The following RAB3IP variants were observed in gnomAD, a reference collection of about 807,000 sequenced individuals.
RAB3IP encodes RAB3A interacting protein, also known as rab-3A-interacting protein.
Under a neutral mutation model 59.1 loss-of-function variants are expected in RAB3IP, and 36 were observed. That is an observed-to-expected ratio of 0.61 (90% CI 0.47 to 0.80). The LOEUF is 0.80. RAB3IP is among the 30% of genes least tolerant of loss of function. The pLI is 0.00. For missense variants in RAB3IP, 511 were observed against 536.0 expected (o/e 0.95, Z 0.46); for synonymous variants, 207 against 191.2 (o/e 1.08, Z -0.68).
chr12:69,795,309 A>G lies in RAB3IP; in HGVS notation c.853A>G (p.Ser285Gly), dbSNP rs764787361. 19 of 1,613,974 alleles carry G rather than the reference A, an allele frequency of 1.2e-5. No individual in the cohort carries two copies. The highest frequency in any genetic ancestry group is 1.5e-5 in the Non-Finnish European group (18 of 1,179,854). The change falls in exon 6 of 11, where the codon AGT (serine) becomes GGT (glycine). Residue 285 changes from serine (S) to glycine (G), a missense_variant. Physicochemically the swap from Ser to Gly is moderately conservative, Grantham distance 56. Transcript: ENST00000247833. The stretch of plus-strand genomic sequence containing the variant: ...TATGAGTGGCAGTCATCAGGACCTC[A>G]GTGTGATACAGCCAATTGTAAAAGA... Reference protein sequence around the residue: ...SAMSGSHQDLSVIQPIVKDCK... With the variant: ...SAMSGSHQDLGVIQPIVKDCK...
At position 69,784,832 on chromosome 12, in the gene RAB3IP, C is replaced by T. The variant is rs1435796348; in HGVS notation, c.606+17C>T. 6 of 1,432,146 alleles carry T rather than the reference C, an allele frequency of 4.2e-6. No homozygotes were observed. The Admixed American group carries it at 1.1e-4, about 25-fold the overall frequency. 88.7% of individuals were successfully genotyped at this position (1,432,146 alleles called of 1,614,324 possible). A position where few individuals can be genotyped will look rare whatever the true frequency, so the allele number is the denominator to read the frequency against. ...CTATTTGAGGTTGGTCTATTTACATCTTGGCCAACAGCAACATCTTGACTT... is the reference window on the plus strand; with the variant it reads ...CTATTTGAGGTTGGTCTATTTACATTTTGGCCAACAGCAACATCTTGACTT... On this transcript the variant is annotated intron_variant, in intron 4 of 10. Coordinates refer to ENST00000247833, the MANE Select transcript of RAB3IP (RefSeq NM_022456.5).
chr12:69,801,644 T>C lies in RAB3IP; in HGVS notation c.1053T>C (p.Asn351=). Residue 351 remains asparagine (N), a synonymous_variant, in exon 8 of 11, where the codon AAT becomes AAC. Transcript: ENST00000247833. The part of the protein sequence containing the change: ...ASAVLEAVEN[N]TLSIEPVGLQ... ...CTGTTCTGGAGGCTGTGGAAAACAA[T>C]ACTCTAAGCATTGAACCAGTGGGAT... The C allele has an allele frequency of 6.2e-7, 1 of 1,612,806 alleles. No homozygotes were observed. Among genetic ancestry groups the C allele is most frequent in the Non-Finnish European group, 8.5e-7 (1 of 1,179,132 alleles).
rs1881653689 is a variant in RAB3IP, at chr12:69,820,865, A to AAT, written c.*5420_*5421insTA. The AAT allele has an allele frequency of 6.6e-6, 1 of 151,702 alleles. No homozygotes were observed. Among genetic ancestry groups the AAT allele is most frequent in the African/African-American group, 2.4e-5 (1 of 41,300 alleles). The allele number at this position is 151,702 out of a possible 1,614,324, so 9.4% of individuals were successfully genotyped here. A position where few individuals can be genotyped will look rare whatever the true frequency, so the allele number is the denominator to read the frequency against. On this transcript the variant is annotated 3_prime_UTR_variant, in exon 11 of 11. Transcript: ENST00000247833. ...AAGAGTGAAACTCCGTCTGAAAAAA[A>AAT]AAAAAAAAAACCCAAACTCAATAGA...
intron 4 of RAB3IP, among the ~76,000 whole-genome samples, chr12:69,791,164 A>C (rs1052128230): frequency 1.3e-5 from 2 of 152,168 alleles, no homozygotes; most frequent in African/African-American, 4.8e-5. Flanking sequence ...TTAGACCCTG[A>C]TCTCACACCA....
intron 6 of RAB3IP, 150 bp downstream of exon 6, chr12:69,795,494 T>G (rs1877303050): frequency 1.6e-6 from 1 of 644,560 alleles, no homozygotes; most frequent in African/African-American, 1.8e-5. Context: ...GCTGGCTGCT[T>G]TCAGGGATTC....
intron 3 of RAB3IP, among the ~76,000 whole-genome samples, chr12:69,767,415 A>T (rs1462747632): frequency 6.6e-6 from 1 of 152,234 alleles, no homozygotes; most frequent in Admixed American, 6.5e-5. Context: ...CTCCCTGCTC[A>T]GCTCCAGGGG....
chr12:69,819,359 C>G lies in RAB3IP; in HGVS notation c.*3913C>G, dbSNP rs551150750. The G allele has an allele frequency of 1.8e-4, 27 of 152,170 alleles. No individual in the cohort carries two copies. Among genetic ancestry groups the G allele is most frequent in the African/African-American group, 6.5e-4 (27 of 41,538 alleles). 9.4% of individuals were successfully genotyped at this position (152,170 alleles called of 1,614,324 possible). On this transcript the variant is annotated 3_prime_UTR_variant, in exon 11 of 11. Transcript: ENST00000247833. ...GGGGAAAGTTTGGGTATGTGCATAACAGAGACAGAAATTCAGTGTTTGACA... is the reference window on the plus strand; with the variant it reads ...GGGGAAAGTTTGGGTATGTGCATAAGAGAGACAGAAATTCAGTGTTTGACA...
At chr12:69,763,765 C>T (rs553397835) in intron 3 of RAB3IP, among the ~76,000 whole-genome samples, 29 of 152,256 alleles carry the variant, frequency 1.9e-4, no homozygotes, top group African/African-American at 7.0e-4. Context: ...TTGTCCCCCT[C>T]CCCTGTCTAG....
intron 8 of RAB3IP, among the ~76,000 whole-genome samples, chr12:69,809,229 T>A (rs1302259775): frequency 6.6e-6 from 1 of 152,066 alleles, no homozygotes; most frequent in Middle Eastern, 3.4e-3. Flanking sequence ...ATATTGGCCC[T>A]CACTCTCTTC....
chr12:69,766,122 T>TCA (rs1872158657), intron 3 of RAB3IP, among the ~76,000 whole-genome samples: 1 of 152,252 alleles, frequency 6.6e-6, no homozygotes, highest in South Asian at 2.1e-4. Context: ...GACAGTCTGG[T>TCA]GACTATGTCC....
chr12:69,772,405 C>G (rs1873280464), intron 3 of RAB3IP, among the ~76,000 whole-genome samples: 1 of 152,058 alleles, frequency 6.6e-6, no homozygotes, highest in Non-Finnish European at 1.5e-5. Context: ...TGTTTACATT[C>G]AACATAATTA....
chr12:69,803,163 CAAATT>C (rs1424726584), intron 8 of RAB3IP, among the ~76,000 whole-genome samples: 6 of 151,966 alleles, frequency 3.9e-5, no homozygotes, highest in Admixed American at 1.3e-4. Flanking sequence ...ATGGGGATAT[CAAATT>C]AAAGTGGATT....
At chr12:69,793,981 T>C (rs1877048141) in intron 4 of RAB3IP, among the ~76,000 whole-genome samples, 1 of 152,240 alleles carries the variant, frequency 6.6e-6, no homozygotes, top group Non-Finnish European at 1.5e-5. Context: ...ATGTTTTTAT[T>C]GAAAGCTCTA....
intron 1 of RAB3IP, among the ~76,000 whole-genome samples, chr12:69,748,070 AGT>A (rs1491234275): frequency 1.2e-5 from 1 of 82,972 alleles, no homozygotes; most frequent in Non-Finnish European, 3.3e-5. Flanking sequence ...TCACAGCTTT[AGT>A]TTTTTTTTTT....
At chr12:69,763,763 C>T (rs181488144) in intron 3 of RAB3IP, among the ~76,000 whole-genome samples, 3 of 152,236 alleles carry the variant, frequency 2.0e-5, no homozygotes, top group East Asian at 1.9e-4. Context: ...CCTTGTCCCC[C>T]TCCCCTGTCT....
At chr12:69,791,972 T>C (rs1280350504) in intron 4 of RAB3IP, among the ~76,000 whole-genome samples, 3 of 152,220 alleles carry the variant, frequency 2.0e-5, no homozygotes, top group African/African-American at 7.2e-5. Flanking sequence ...ATATGAATAC[T>C]ACTCAGTCTT....
In RAB3IP at chr12:69,801,654, A is replaced by G. The variant is rs915669886; in HGVS notation, c.1063A>G (p.Ile355Val). ...LEAVENNTLS[I>V]EPVGLQPIRF... is the part of the protein sequence containing the mutation. Reference sequence around the variant, plus strand: ...GGCTGTGGAAAACAATACTCTAAGCATTGAACCAGTGGGATTACAACCTAT... The same window carrying G: ...GGCTGTGGAAAACAATACTCTAAGCGTTGAACCAGTGGGATTACAACCTAT... The change falls in exon 8 of 11, where the codon ATT (isoleucine) becomes GTT (valine). Residue 355 changes from isoleucine to valine, a missense_variant. By Grantham distance (29) the Ile-to-Val change is conservative. Transcript: ENST00000247833. The G allele has an allele frequency of 3.7e-6, 6 of 1,613,168 alleles. No individual in the cohort carries two copies. The South Asian group carries it at 5.5e-5, about 15-fold the overall frequency.
chr12:69,784,809 A>G lies in RAB3IP; in HGVS notation c.600A>G (p.Leu200=), dbSNP rs374977376. The G allele has an allele frequency of 1.9e-5, 30 of 1,597,724 alleles. No individual in the cohort carries two copies. Among genetic ancestry groups the G allele is most frequent in the African/African-American group, 1.7e-4 (13 of 74,438 alleles). ...AATTGGAAGAACTCACAGCTAGTCT[A>G]TTTGAGGTTGGTCTATTTACATCTT... ...GQELEELTAS[L]FEEAHKMVRE... Residue 200 remains leucine (L), a synonymous_variant, in exon 4 of 11, where the codon CTA becomes CTG. Coordinates refer to ENST00000247833, the MANE Select transcript of RAB3IP (RefSeq NM_022456.5).
At chr12:69,786,835 T>A (rs994945757) in intron 4 of RAB3IP, among the ~76,000 whole-genome samples, 2 of 152,138 alleles carry the variant, frequency 1.3e-5, no homozygotes, top group African/African-American at 4.8e-5. Context: ...CTAAAAAATA[T>A]AGTTTGGAGT....
Sources: gnomAD v4.1 joint callset for allele counts (sites outside exome capture counted in the v4.1 genomes callset) on GRCh38, gnomAD v4.1.1 for gene constraint, MANE v1.5 for transcripts, NCBI Gene and HGNC (gene_info 2026-07-23, HGNC 2026-07-21) for gene names.